EXOC3L4: variants seen among roughly 807,000 people sequenced by gnomAD.
EXOC3L4 encodes exocyst complex component 3-like protein 4.
In EXOC3L4, 62 loss-of-function variants were observed where a neutral mutation model predicts 69.7. That is an observed-to-expected ratio of 0.89 (90% CI 0.72 to 1.10). EXOC3L4 has a LOEUF of 1.10. Among genes scored for constraint, EXOC3L4 ranks in the 50% least tolerant of loss-of-function variants. The pLI is 0.00. For synonymous variants in EXOC3L4, 502 were observed against 464.2 expected (o/e 1.08, Z -1.05); for missense variants, 1,087 against 1,034.8 (o/e 1.05, Z -0.69).
At chr14:103,103,828 G>GTGTGTGTGTGTA in intron 3 of EXOC3L4, 113 bp from the exon 4 acceptor site, 1 of 648,226 alleles carries the variant, frequency 1.5e-6, no homozygotes, top group Non-Finnish European at 2.7e-6. Context: ...GTGTGTGTGT[G>GTGTGTGTGTGTA]TACAGATGCC....
At chr14:103,102,082 G>T (rs771885841) in intron 2 of EXOC3L4, 36 bp from the exon 3 acceptor site, 3 of 1,563,654 alleles carry the variant, frequency 1.9e-6, no homozygotes, top group East Asian at 2.4e-5. Context: ...GTCTTGGGGC[G>T]GTCCCTCTCA....
Position 103,102,658 on chromosome 14 carries a change from AT to A in EXOC3L4, c.936del (p.Leu313CysfsTer122), listed in dbSNP as rs1890273592. ...GCCGGCTTCCCAGCGTGGGAGGTCT[AT>A]CTGCGTGCCTTCCACAGCGCCGTGG... ...AAAGFPAWEV[Y>X]LRAFHSAVAQ... On this transcript the variant is annotated frameshift_variant, in exon 3 of 12. Coordinates refer to ENST00000688303, the MANE Select transcript of EXOC3L4 (RefSeq NM_001077594.2). LOFTEE classifies it high-confidence loss of function. The A allele has an allele frequency of 1.3e-6, 2 of 1,498,716 alleles. No homozygotes were observed. Among genetic ancestry groups the A allele is most frequent in the East Asian group, 5.7e-5 (2 of 35,368 alleles). 92.8% of individuals were successfully genotyped at this position (1,498,716 alleles called of 1,614,324 possible).
chr14:103,106,319 G>A (rs534343531), intron 7 of EXOC3L4, among the ~76,000 whole-genome samples: 1 of 152,354 alleles, frequency 6.6e-6, no homozygotes, highest in African/African-American at 2.4e-5. Context: ...TCAGCTCCAG[G>A]GAGCGTTCTC....
At position 103,097,637 on chromosome 14, in the gene EXOC3L4, C is replaced by T. The variant is rs1445019370; in HGVS notation, c.-16-2567C>T. 1.3e-5 allele frequency among the ~76,000 whole-genome samples: 2 copies of T among 152,146 alleles called. No homozygotes were observed. Among genetic ancestry groups the T allele is most frequent in the Non-Finnish European group, 2.9e-5 (2 of 68,020 alleles). On this transcript the variant is annotated intron_variant, in intron 1 of 11. Coordinates refer to ENST00000688303, the MANE Select transcript of EXOC3L4 (RefSeq NM_001077594.2). The surrounding 1 kb of genome is among the most constrained non-coding windows in gnomAD (Gnocchi z 4.9). ...GGGTAGATGGACAGAGGCTGCCAGC[C>T]CAGTGCAGGAGGGCCACATCATCAC...
Position 103,109,681 on chromosome 14 carries a change from TCTCCCTCC to T in EXOC3L4, c.1977-338_1977-331del, listed in dbSNP as rs143178036. Among the ~76,000 whole-genome samples, 5 of 8,774 alleles carry T rather than the reference TCTCCCTCC, an allele frequency of 5.7e-4. 2 individuals carry two copies. The Admixed American group carries it at 8.3e-3, about 15-fold the overall frequency. 5.8% of individuals were successfully genotyped at this position (8,774 alleles called of 152,430 possible). ...CCTCCCTCTCCACCCTGCCCCCATG[TCTCCCTCC>T]CTCCCTCCCTCTCCACCCTGTCCCT... On this transcript the variant is annotated intron_variant, in intron 11 of 11. Transcript: ENST00000688303.
Position 103,104,309 on chromosome 14 carries a change from C to A in EXOC3L4, c.1204C>A (p.Gln402Lys). 1 of 1,596,342 alleles carries A rather than the reference C, an allele frequency of 6.3e-7. No homozygotes were observed. Among genetic ancestry groups the A allele is most frequent in the Non-Finnish European group, 8.5e-7 (1 of 1,173,288 alleles). ...CTTCGACAGCATCTTGCAGCTGGAG[C>A]AGAGTCACTGGGCGGCCGCCGAGGT... ...SCFDSILQLE[Q>K]SHWAAAEVPE... The change falls in exon 5 of 12, where the codon CAG becomes AAG. Residue 402 changes from glutamine (Q) to lysine (K), a missense_variant. Transcript: ENST00000688303.
At chr14:103,107,041 C>A in intron 8 of EXOC3L4, 142 bp downstream of exon 8, 1 of 743,172 alleles carries the variant, frequency 1.3e-6, no homozygotes, top group Non-Finnish European at 2.1e-6. Context: ...GGGCAGGGGA[C>A]CCAGGTGAGG....
At chr14:103,109,880 T>C (rs1890824101) in intron 11 of EXOC3L4, 151 bp from the exon 12 acceptor site, 4 of 833,834 alleles carry the variant, frequency 4.8e-6, no homozygotes, top group Non-Finnish European at 7.2e-6. Context: ...CCAGCACAGC[T>C]CTTCCTGGCC....
rs1374218827 is a variant in EXOC3L4, at chr14:103,104,827, C to T, written c.1374C>T (p.Leu458=). The T allele has an allele frequency of 5.3e-6, 8 of 1,506,626 alleles. No individual in the cohort carries two copies. Among genetic ancestry groups the T allele is most frequent in the Middle Eastern group, 1.7e-4 (1 of 5,798 alleles). The allele number at this position is 1,506,626 out of a possible 1,614,324, so 93.3% of individuals were successfully genotyped here. The change falls in exon 6 of 12, where the codon CTC becomes CTT. Residue 458 remains leucine (L), a synonymous_variant. Transcript: ENST00000688303. ...TLRICTRALG[L]FVPRFEKAFL... Reference sequence around the variant, plus strand: ...GAATCTGCACGCGGGCGCTCGGCCTCTTCGTGCCCAGGTGCGGACGCATCC... The same window carrying T: ...GAATCTGCACGCGGGCGCTCGGCCTTTTCGTGCCCAGGTGCGGACGCATCC...
chr14:103,100,895 C>A (rs952616148), intron 2 of EXOC3L4, among the ~76,000 whole-genome samples: 8 of 144,508 alleles, frequency 5.5e-5, no homozygotes, highest in Non-Finnish European at 1.0e-4. Flanking sequence ...GCCACTGCAC[C>A]CGGCTAATTT....
rs1890260748 is a variant in EXOC3L4 at position 103,102,543 on chromosome 14, G to T, written c.820G>T (p.Gly274Cys). The change falls in exon 3 of 12, where the codon GGT (glycine) becomes TGT (cysteine). Residue 274 changes from glycine (G) to cysteine (C), a missense_variant. Coordinates refer to ENST00000688303, the MANE Select transcript of EXOC3L4 (RefSeq NM_001077594.2). ...CTTCGGGGAGGCGGAGGGCGCGTCG[G>T]GTTTGGCCCAGCTTCTGGCCGAGCT... is the stretch of plus-strand genomic sequence containing the variant. ...WAFGEAEGAS[G>C]LAQLLAELGG... 4.2e-6 allele frequency: 6 copies of T among 1,424,060 alleles called. No individual in the cohort carries two copies. The highest frequency in any genetic ancestry group is 5.5e-6 in the Non-Finnish European group (6 of 1,091,746). The allele number at this position is 1,424,060 out of a possible 1,614,324, so 88.2% of individuals were successfully genotyped here. A position where few individuals can be genotyped will look rare whatever the true frequency, so the allele number is the denominator to read the frequency against.
chr14:103,100,246 T>C lies in EXOC3L4; in HGVS notation c.27T>C (p.Pro9=), dbSNP rs2297068. 16,845 of 1,581,564 alleles carry C rather than the reference T, an allele frequency of 0.011. 1,106 individuals are homozygous for C. In the African/African-American group the frequency reaches 0.17, roughly 16 times the overall value. The change falls in exon 2 of 12, where the codon CCT becomes CCC. Residue 9 remains proline, a synonymous_variant. Coordinates refer to ENST00000688303, the MANE Select transcript of EXOC3L4 (RefSeq NM_001077594.2). The part of the protein sequence containing the change: MPSPQTDT[P]GPELQSPKEA... ...TGCCATCACCACAGACAGACACTCC[T>C]GGGCCGGAGCTGCAGAGTCCCAAGG...
At position 103,110,170 on chromosome 14, in the gene EXOC3L4, T is replaced by C. The variant is rs1890852571; in HGVS notation, c.2116T>C (p.Phe706Leu). The C allele has an allele frequency of 1.3e-6, 2 of 1,533,682 alleles. No individual in the cohort carries two copies. The highest frequency in any genetic ancestry group is 1.8e-6 in the Non-Finnish European group (2 of 1,138,604). Residue 706 changes from phenylalanine to leucine, a missense_variant, in exon 12 of 12, where the codon TTC becomes CTC. Transcript: ENST00000688303. ...GAEAPRGRVL[F>L]EEIKVPSAMA... ...GGAGGCCCCTCGGGGCCGCGTGCTC[T>C]TCGAGGAGATCAAGGTGCCCAGTGC... is the stretch of plus-strand genomic sequence containing the variant.
At position 103,102,479 on chromosome 14, in the gene EXOC3L4, C is replaced by G; in HGVS notation, c.756C>G (p.Ser252Arg). The change falls in exon 3 of 12, where the codon AGC becomes AGG. Residue 252 changes from serine to arginine, a missense_variant. Ser to Arg is a moderately radical substitution (Grantham distance 110). Coordinates refer to ENST00000688303, the MANE Select transcript of EXOC3L4 (RefSeq NM_001077594.2). Reference protein sequence around the residue: ...RQHWEEAVRRSAQERVRRPGA... With the variant: ...RQHWEEAVRRRAQERVRRPGA... ...ACTGGGAGGAGGCGGTGCGGCGAAG[C>G]GCTCAGGAGCGCGTGCGGCGGCCGG... is the stretch of plus-strand genomic sequence containing the variant. 1 of 1,385,562 alleles carries G rather than the reference C, an allele frequency of 7.2e-7. No individual in the cohort carries two copies. The highest frequency in any genetic ancestry group is 9.3e-7 in the Non-Finnish European group (1 of 1,078,004). The allele number at this position is 1,385,562 out of a possible 1,614,324, so 85.8% of individuals were successfully genotyped here. A position where few individuals can be genotyped will look rare whatever the true frequency, so the allele number is the denominator to read the frequency against.
chr14:103,102,901 A>G (rs1437982694), intron 3 of EXOC3L4, 129 bp downstream of exon 3: 1 of 994,668 alleles, frequency 1.0e-6, no homozygotes, highest in Admixed American at 4.2e-5. Context: ...CTGAGAGCCG[A>G]GGGCTTCGAC....
chr14:103,100,635 C>T (rs781575866), intron 2 of EXOC3L4, 22 bp downstream of exon 2: 10 of 1,585,202 alleles, frequency 6.3e-6, no homozygotes, highest in South Asian at 2.3e-5. Context: ...AGAAACAACA[C>T]GAAGCATGAA....
intron 2 of EXOC3L4, among the ~76,000 whole-genome samples, chr14:103,101,175 G>A (rs941619779): frequency 1.3e-5 from 2 of 152,092 alleles, no homozygotes; most frequent in Non-Finnish European, 2.9e-5. Context: ...AAAGTGCTGG[G>A]ATTACAGGCG....
At position 103,097,110 on chromosome 14, in the gene EXOC3L4, G is replaced by T. The variant is rs55951701; in HGVS notation, c.-17+2270G>T. 0.016 allele frequency among the ~76,000 whole-genome samples: 2,353 copies of T among 150,832 alleles called. 62 individuals carry two copies. Among genetic ancestry groups the T allele is most frequent in the African/African-American group, 0.051 (2,097 of 40,950 alleles). On this transcript the variant is annotated intron_variant, in intron 1 of 11. Transcript: ENST00000688303. The surrounding 1 kb of genome is among the most constrained non-coding windows in gnomAD (Gnocchi z 4.9). ...GGAGGGAAGGTCTAGGGGAAAGCGG[G>T]GAGTAGAAGCTGAGGCTGGGGGTAG...
chr14:103,100,534 G>A lies in EXOC3L4; in HGVS notation c.315G>A (p.Glu105=), dbSNP rs750444645. The change falls in exon 2 of 12, where the codon GAG becomes GAA. Residue 105 remains glutamate, a synonymous_variant. Transcript: ENST00000688303. ...PATGHSQATP[E]VPSGVMNGVS... ...CCGGCCATTCCCAGGCCACTCCTGAGGTGCCCTCGGGGGTCATGAATGGTG... is the reference window on the plus strand; with the variant it reads ...CCGGCCATTCCCAGGCCACTCCTGAAGTGCCCTCGGGGGTCATGAATGGTG... 3.7e-6 allele frequency: 6 copies of A among 1,612,624 alleles called. No individual in the cohort carries two copies. The highest frequency in any genetic ancestry group is 2.7e-5 in the African/African-American group (2 of 74,924).
Sources: gnomAD v4.1 joint callset for allele counts (sites outside exome capture counted in the v4.1 genomes callset) on GRCh38, gnomAD v4.1.1 for gene constraint, Gnocchi (gnomAD v3.1) non-coding constraint, MANE v1.5 for transcripts, NCBI Gene and HGNC (gene_info 2026-07-23, HGNC 2026-07-21) for gene names.